RBFOX3: variants seen among roughly 807,000 people sequenced by gnomAD.
RBFOX3 encodes RNA binding fox-1 homolog 3, also known as RNA binding protein fox-1 homolog 3.
A neutral mutation model predicts 48.7 loss-of-function variants in RBFOX3; 17 were observed. That is an observed-to-expected ratio of 0.35 (90% CI 0.24 to 0.52). RBFOX3 has a LOEUF of 0.52. RBFOX3 is among the 20% of genes least tolerant of loss of function. The pLI, the probability that RBFOX3 is intolerant of heterozygous loss-of-function variation, is 0.94. For missense variants in RBFOX3, 382 were observed against 497.5 expected (o/e 0.77, Z 2.21); for synonymous variants, 212 against 209.5 (o/e 1.01, Z -0.10).
chr17:79,451,739 C>G (rs181140230), intron 2 of RBFOX3, among the ~76,000 whole-genome samples: 12 of 152,354 alleles, frequency 7.9e-5, no homozygotes, highest in Admixed American at 7.8e-4. Context: ...TCCCCCGCAA[C>G]CTTCCATTTC....
At chr17:79,441,796 G>A (rs1294847977) in intron 2 of RBFOX3, among the ~76,000 whole-genome samples, 3 of 152,154 alleles carry the variant, frequency 2.0e-5, no homozygotes, top group Non-Finnish European at 4.4e-5. Context: ...ACACACACTC[G>A]TGGCCCACAG....
intron 1 of RBFOX3, among the ~76,000 whole-genome samples, chr17:79,554,136 C>T (rs2091400819): frequency 6.6e-6 from 1 of 152,140 alleles, no homozygotes; most frequent in South Asian, 2.1e-4. Context: ...TTTTGTGGCC[C>T]ATTATTATTA....
At chr17:79,282,150 G>T (rs896403934) in intron 3 of RBFOX3, among the ~76,000 whole-genome samples, 1 of 152,160 alleles carries the variant, frequency 6.6e-6, no homozygotes, top group African/African-American at 2.4e-5. Flanking sequence ...TCTGGAGGGG[G>T]GCTTGGCAGC....
chr17:79,158,832 G>GGCTCAGCCCA, intron 4 of RBFOX3, among the ~76,000 whole-genome samples: 1 of 152,216 alleles, frequency 6.6e-6, no homozygotes, highest in African/African-American at 2.4e-5. Context: ...CAGCCCACGT[G>GGCTCAGCCCA]GCAGTCACTT....
intron 2 of RBFOX3, among the ~76,000 whole-genome samples, chr17:79,424,326 C>G (rs973972187): frequency 6.6e-6 from 1 of 152,188 alleles, no homozygotes; most frequent in Admixed American, 6.5e-5. Flanking sequence ...CGGCACTGAC[C>G]AGGGGATGGA....
the RBFOX3 span, among the ~76,000 whole-genome samples, chr17:79,633,695 G>A: frequency 3.9e-5 from 6 of 151,978 alleles, no homozygotes; most frequent in Non-Finnish European, 8.8e-5. Context: ...TCAATAAACC[G>A]AGGGCCAGGT....
At chr17:79,331,839 C>T (rs1317308026) in intron 2 of RBFOX3, among the ~76,000 whole-genome samples, 5 of 152,300 alleles carry the variant, frequency 3.3e-5, no homozygotes, top group East Asian at 1.9e-4. Flanking sequence ...CAGTTTTCTT[C>T]GACTATTTTT....
chr17:79,157,345 A>G (rs967243359), intron 4 of RBFOX3, among the ~76,000 whole-genome samples: 2 of 152,116 alleles, frequency 1.3e-5, no homozygotes, highest in Non-Finnish European at 2.9e-5. Flanking sequence ...CTCTGCGGAG[A>G]GCCCAGCTGC....
chr17:79,140,780 TG>T (rs1286735664), intron 4 of RBFOX3, among the ~76,000 whole-genome samples: 1 of 152,270 alleles, frequency 6.6e-6, no homozygotes, highest in African/African-American at 2.4e-5. Context: ...TTAACTGTGC[TG>T]GGCATGCCAT....
chr17:79,117,093 C>T (rs1033742213), intron 4 of RBFOX3, among the ~76,000 whole-genome samples: 5 of 152,158 alleles, frequency 3.3e-5, no homozygotes, highest in African/African-American at 9.7e-5. Context: ...AAAGGGGCTC[C>T]GGCCTCCTCC....
intron 2 of RBFOX3, among the ~76,000 whole-genome samples, chr17:79,393,802 T>C (rs969290890): frequency 1.3e-5 from 2 of 149,128 alleles, no homozygotes; most frequent in African/African-American, 5.0e-5. Flanking sequence ...ATCATGCACA[T>C]CATCTGAGCC....
intron 4 of RBFOX3, among the ~76,000 whole-genome samples, chr17:79,207,966 G>A (rs1157485203): frequency 2.6e-5 from 4 of 152,164 alleles, no homozygotes; most frequent in Admixed American, 6.5e-5. Flanking sequence ...CCACAAGTCC[G>A]GGACCGCGGG....
At chr17:79,300,621 C>A (rs1376366339) in intron 3 of RBFOX3, among the ~76,000 whole-genome samples, 2 of 152,138 alleles carry the variant, frequency 1.3e-5, no homozygotes, top group African/African-American at 4.8e-5. Context: ...CGTGGACTGG[C>A]GTGTTCTTCT....
At chr17:79,187,509 G>C (rs1397914890) in intron 4 of RBFOX3, among the ~76,000 whole-genome samples, 1 of 152,302 alleles carries the variant, frequency 6.6e-6, no homozygotes, top group East Asian at 1.9e-4. Flanking sequence ...CCCAGCCCTG[G>C]GGTATTTGGC....
At chr17:79,475,393 C>T (rs1010362586) in intron 2 of RBFOX3, among the ~76,000 whole-genome samples, 3 of 152,094 alleles carry the variant, frequency 2.0e-5, no homozygotes, top group Admixed American at 2.0e-4. Context: ...GAGATCAGGG[C>T]CGAGGGTCAG....
At chr17:79,275,923 C>T (rs149410392) in intron 3 of RBFOX3, among the ~76,000 whole-genome samples, 59 of 152,318 alleles carry the variant, frequency 3.9e-4, no homozygotes, top group Non-Finnish European at 7.5e-4. Flanking sequence ...GCTGCACACG[C>T]GTATTCATTG....
intron 4 of RBFOX3, among the ~76,000 whole-genome samples, chr17:79,137,007 T>C (rs565560741): frequency 5.3e-5 from 8 of 152,222 alleles, no homozygotes; most frequent in Admixed American, 4.6e-4. Flanking sequence ...GCCTCTGACC[T>C]TCACAACCCT....
At chr17:79,113,991 T>C (rs1230757166) in intron 5 of RBFOX3, among the ~76,000 whole-genome samples, 2 of 152,186 alleles carry the variant, frequency 1.3e-5, no homozygotes, top group Non-Finnish European at 2.9e-5. Flanking sequence ...CTGTGTTATC[T>C]GTGTGTCTGA....
chr17:79,435,393 C>T (rs1348352479), intron 2 of RBFOX3, among the ~76,000 whole-genome samples: 1 of 152,214 alleles, frequency 6.6e-6, no homozygotes, highest in Non-Finnish European at 1.5e-5. Flanking sequence ...TGTGGCTGTC[C>T]ACAGGCTGCC....
Sources: allele counts gnomAD v4.1 joint callset (sites outside exome capture counted in the v4.1 genomes callset), GRCh38; gene constraint gnomAD v4.1.1; transcripts MANE v1.5; gene names NCBI Gene and HGNC (gene_info 2026-07-23, HGNC 2026-07-21).